The following STAG2 variants were observed in gnomAD, a reference collection of about 807,000 sequenced individuals.
STAG2 encodes STAG2 cohesin complex component.
In STAG2, 14 loss-of-function variants were observed where a neutral mutation model predicts 108.1. The observed-to-expected ratio is 0.13, with a 90% CI of 0.09 to 0.20. STAG2 has a LOEUF of 0.20. Ranked by LOEUF, STAG2 falls within the 10% of genes least tolerant of loss-of-function variation. The probability of loss-of-function intolerance (pLI) is 1.00; values close to 1 mark genes in which losing one functional copy is unlikely to be tolerated. For synonymous variants in STAG2, 307 were observed against 302.7 expected (o/e 1.01, Z -0.15); for missense variants, 440 against 940.9 (o/e 0.47, Z 6.96).
rs2148157135 is a variant in STAG2 at position 124,042,551 on chromosome X, G to T, written c.386-18G>T. 1 of 1,162,311 alleles carries T rather than the reference G, an allele frequency of 8.6e-7. No individual in the cohort carries two copies. The highest frequency in any genetic ancestry group is 1.8e-5 in the South Asian group (1 of 54,945). ...TTTATCACACCATATATTAACTTCT[G>T]ACATTTGCAAATTTCAGGAGTTGTC... On this transcript the variant is annotated intron_variant, in intron 6 of 34. Transcript: ENST00000371145.
intron 29 of STAG2, among the ~76,000 whole-genome samples, chrX:124,084,393 ACTGCAAACT>A (rs200512274): frequency 0.14 from 15,425 of 107,322 alleles, 1,083 homozygotes; most frequent in South Asian, 0.36. Context: ...ATCTCGGCCC[ACTGCAAACT>A]CTGCCTCCTG....
intron 1 of STAG2, chrX:123,963,039 A>T (rs1411500370): frequency 8.9e-6 from 1 of 111,931 alleles, no homozygotes; most frequent in Non-Finnish European, 1.9e-5. Context: ...TTTCTTGATG[A>T]AACCTAGTGC....
intron 1 of STAG2, among the ~76,000 whole-genome samples, chrX:124,018,985 G>C (rs773659486): frequency 9.5e-6 from 1 of 105,006 alleles, no homozygotes; most frequent in Non-Finnish European, 1.9e-5. Context: ...ATGATGAACT[G>C]TTTTTATGGC....
At chrX:124,094,218 T>G in intron 33 of STAG2, 74 bp downstream of exon 33, 1 of 1,043,013 alleles carries the variant, frequency 9.6e-7, no homozygotes, top group Non-Finnish European at 1.3e-6. Context: ...TTTATTAGAG[T>G]AGAGAAATAC....
At chrX:124,014,091 G>A (rs1282663021) in intron 1 of STAG2, among the ~76,000 whole-genome samples, 1 of 111,258 alleles carries the variant, frequency 9.0e-6, no homozygotes, top group East Asian at 2.8e-4. Flanking sequence ...GAGTAGACAA[G>A]AAAACTAGGA....
chrX:124,054,065 G>A (rs1318933846), intron 13 of STAG2, among the ~76,000 whole-genome samples: 1 of 112,106 alleles, frequency 8.9e-6, no homozygotes, highest in Admixed American at 9.5e-5. Flanking sequence ...AGGCTATGAC[G>A]TAACAGGCCC....
At chrX:123,975,082 C>A (rs2054558203) in intron 1 of STAG2, among the ~76,000 whole-genome samples, 1 of 111,432 alleles carries the variant, frequency 9.0e-6, no homozygotes, top group African/African-American at 3.3e-5. Context: ...AATTTGCAAA[C>A]TTTATGGTGG....
intron 1 of STAG2, among the ~76,000 whole-genome samples, chrX:123,988,627 T>C (rs2055304645): frequency 8.9e-6 from 1 of 111,858 alleles, no homozygotes. Context: ...TGATATACTT[T>C]ATGGTATGTG....
chrX:124,053,302 G>T (rs775583715), intron 13 of STAG2, among the ~76,000 whole-genome samples: 10 of 111,883 alleles, frequency 8.9e-5, no homozygotes, highest in Non-Finnish European at 1.7e-4. Flanking sequence ...AAATCCACCA[G>T]ATATATGCAA....
rs111478404 is a variant in STAG2, at chrX:124,057,760, T to C, written c.1305-106T>C. ...ATATTGTACCTACCCAGTTCTCCTT[T>C]ACTCCTTTGTTAGATCCTTAGATAT... On this transcript the variant is annotated intron_variant, in intron 14 of 34. Transcript: ENST00000371145. 278 of 455,722 alleles carry C rather than the reference T, an allele frequency of 6.1e-4. 1 individual carries two copies. In the African/African-American group the frequency reaches 6.2e-3, roughly 10 times the overall value. The allele number at this position is 455,722 out of a possible 1,213,427, so 37.6% of individuals were successfully genotyped here.
At chrX:123,982,395 G>A (rs983959651) in intron 1 of STAG2, among the ~76,000 whole-genome samples, 2 of 110,890 alleles carry the variant, frequency 1.8e-5, no homozygotes, top group Admixed American at 9.7e-5. Context: ...ATGGAGTCTT[G>A]CTCTGTCACC....
At chrX:123,994,765 A>G (rs1360807302) in intron 1 of STAG2, among the ~76,000 whole-genome samples, 1 of 111,992 alleles carries the variant, frequency 8.9e-6, no homozygotes, top group African/African-American at 3.2e-5. Context: ...GTATATATTT[A>G]TGAGACAAAT....
chrX:124,051,060 G>A (rs2148224256), intron 11 of STAG2, 61 bp from the exon 12 acceptor site: 1 of 652,721 alleles, frequency 1.5e-6, no homozygotes, highest in South Asian at 3.2e-5. Flanking sequence ...CTTGAATATT[G>A]AAGTTGAAAA....
Position 124,068,753 on chromosome X carries a change from C to T in STAG2, c.2358+97C>T, listed in dbSNP as rs750771764. 7.4e-6 allele frequency: 4 copies of T among 538,780 alleles called. No individual in the cohort carries two copies. The Admixed American group carries it at 1.2e-4, about 17-fold the overall frequency. 44.4% of individuals were successfully genotyped at this position (538,780 alleles called of 1,213,427 possible). A position where few individuals can be genotyped will look rare whatever the true frequency, so the allele number is the denominator to read the frequency against. Reference sequence around the variant, plus strand: ...TAAATAATACTAAGATTGAGCAAAGCAGAAATATCTTGTATCTGCCTATGT... The same window carrying T: ...TAAATAATACTAAGATTGAGCAAAGTAGAAATATCTTGTATCTGCCTATGT... On this transcript the variant is annotated intron_variant, in intron 24 of 34. Coordinates refer to ENST00000371145, the MANE Select transcript of STAG2 (RefSeq NM_001042750.2).
intron 13 of STAG2, among the ~76,000 whole-genome samples, chrX:124,051,721 G>C (rs545599563): frequency 2.9e-4 from 32 of 110,214 alleles, no homozygotes; most frequent in Non-Finnish European, 9.5e-5. Flanking sequence ...CTCCCGAGTA[G>C]CTGGGACTAC....
At chrX:124,059,514 ATGAT>A (rs1311226531) in intron 15 of STAG2, among the ~76,000 whole-genome samples, 2 of 112,055 alleles carry the variant, frequency 1.8e-5, no homozygotes, top group Admixed American at 9.5e-5. Context: ...ATTACTTGAG[ATGAT>A]TGTTTTATTT....
chrX:124,076,501 T>C, intron 26 of STAG2, 30 bp downstream of exon 26: 1 of 1,112,471 alleles, frequency 9.0e-7, no homozygotes, highest in Non-Finnish European at 1.2e-6. Flanking sequence ...AGCAAGATAG[T>C]TTTAAAATGC....
At chrX:123,985,737 A>AT (rs747850533) in intron 1 of STAG2, among the ~76,000 whole-genome samples, 1,438 of 101,556 alleles carry the variant, frequency 0.014, 23 homozygotes, top group African/African-American at 0.046. Context: ...TACCAGGCTA[A>AT]TTTTTTTTTT....
At chrX:123,989,420 T>C (rs2055340181) in intron 1 of STAG2, among the ~76,000 whole-genome samples, 1 of 110,982 alleles carries the variant, frequency 9.0e-6, no homozygotes. Flanking sequence ...TTTATTATAG[T>C]ACCTTATATT....
Sources: allele counts gnomAD v4.1 joint callset (sites outside exome capture counted in the v4.1 genomes callset), GRCh38; gene constraint gnomAD v4.1.1; transcripts MANE v1.5; gene names NCBI Gene and HGNC (gene_info 2026-07-23, HGNC 2026-07-21).